The following LMNA variants were observed in gnomAD, a reference collection of about 807,000 sequenced individuals.
The protein encoded by LMNA is lamin.
Under a neutral mutation model 70.4 loss-of-function variants are expected in LMNA, and 20 were observed. The observed-to-expected ratio is 0.28, with a 90% confidence interval of 0.20 to 0.41. LMNA has a LOEUF of 0.41. Ranked by LOEUF, LMNA falls within the 10% of genes least tolerant of loss-of-function variation. The pLI, the probability that LMNA is intolerant of heterozygous loss-of-function variation, is 1.00. For synonymous variants in LMNA, 339 were observed against 372.8 expected (o/e 0.91, Z 1.04); for missense variants, 652 against 917.2 (o/e 0.71, Z 3.73).
At chr1:156,093,970 C>T (rs557636009) in intron 3 of LMNA, among the ~76,000 whole-genome samples, 35 of 152,264 alleles carry the variant, frequency 2.3e-4, no homozygotes, top group African/African-American at 6.0e-4. Context: ...CCTGGGCCCT[C>T]GCAGCCTGCC....
rs144851946 is a variant in LMNA, at chr1:156,138,701, G to A, written c.1912G>A (p.Gly638Arg). The change falls in exon 11 of 12, where the codon GGG becomes AGG. Residue 638 changes from glycine (G) to arginine (R), a missense_variant. Transcript: ENST00000368300. This position sits in a 1 kb window ranked among gnomAD's most constrained non-coding sequence, Gnocchi z 5.5. Reference protein sequence around the residue: ...SVGGSGGGSFGDNLVTRSYLL... With the variant: ...SVGGSGGGSFRDNLVTRSYLL... The stretch of plus-strand genomic sequence containing the variant: ...GGGGGGCAGTGGGGGTGGCAGCTTC[G>A]GGGACAATCTGGTCACCCGCTCCTA... 1.0e-4 allele frequency: 168 copies of A among 1,613,114 alleles called. No homozygotes were observed. The African/African-American group carries it at 2.0e-3, about 20-fold the overall frequency.
intron 1 of LMNA, among the ~76,000 whole-genome samples, chr1:156,129,295 G>C (rs560377409): frequency 1.3e-5 from 2 of 152,090 alleles, no homozygotes; most frequent in Non-Finnish European, 2.9e-5. Flanking sequence ...CCTGCCTGGT[G>C]GGGGGAGGTG....
At position 156,114,805 on chromosome 1, in the gene LMNA, C is replaced by G; in HGVS notation, c.-114C>G. ...ATCCCCACGCCTGCCAGGAGCAAGC[C>G]GAGAGCCAGCCGGCCGGCGCACTCC... On this transcript the variant is annotated 5_prime_UTR_variant, in exon 1 of 12. Coordinates refer to ENST00000368300, the MANE Select transcript of LMNA (RefSeq NM_170707.4). 4.1e-6 allele frequency: 3 copies of G among 733,510 alleles called. No homozygotes were observed. Among genetic ancestry groups the G allele is most frequent in the Non-Finnish European group, 6.4e-6 (3 of 466,610 alleles). 45.4% of individuals were successfully genotyped at this position (733,510 alleles called of 1,614,324 possible). A position where few individuals can be genotyped will look rare whatever the true frequency, so the allele number is the denominator to read the frequency against.
At chr1:156,088,570 A>G (rs1648571712) in intron 2 of LMNA, among the ~76,000 whole-genome samples, 1 of 152,224 alleles carries the variant, frequency 6.6e-6, no homozygotes, top group South Asian at 2.1e-4. Flanking sequence ...CTTGGGGCCA[A>G]GGTGGAAGGA....
intron 2 of LMNA, among the ~76,000 whole-genome samples, chr1:156,086,853 G>A (rs1410595901): frequency 6.6e-6 from 1 of 152,184 alleles, no homozygotes; most frequent in Non-Finnish European, 1.5e-5. Context: ...TGACCAGGCT[G>A]GTCTCAAACT....
rs929003262 is a variant in LMNA at position 156,103,242 on chromosome 1, C to A, written c.-206-11471C>A. ...TCCTCTTTGTGTCCTGCCTACCAGT[C>A]CTTCCCGCCCATCTCTGCATCCCAG... is the stretch of plus-strand genomic sequence containing the variant. On this transcript the variant is annotated intron_variant, in intron 3 of 12. Transcript: ENST00000368301. This position sits in a 1 kb window ranked among gnomAD's most constrained non-coding sequence, Gnocchi z 4.7. Among the ~76,000 whole-genome samples the A allele has an allele frequency of 7.2e-5, 11 of 152,168 alleles. No homozygotes were observed. The highest frequency in any genetic ancestry group is 2.4e-4 in the African/African-American group (10 of 41,428).
At position 156,139,793 on chromosome 1, in the gene LMNA, A is replaced by T. The variant is rs1284705067; in HGVS notation, c.*687A>T. The T allele has an allele frequency of 2.0e-6, 3 of 1,529,702 alleles. No individual in the cohort carries two copies. In the Admixed American group the frequency reaches 5.9e-5, roughly 30 times the overall value. 94.8% of individuals were successfully genotyped at this position (1,529,702 alleles called of 1,614,324 possible). A position where few individuals can be genotyped will look rare whatever the true frequency, so the allele number is the denominator to read the frequency against. On this transcript the variant is annotated 3_prime_UTR_variant, in exon 12 of 12. Coordinates refer to ENST00000368300, the MANE Select transcript of LMNA (RefSeq NM_170707.4). Reference sequence around the variant, plus strand: ...AGACAAGAGATGGGAATGAGGTGGGAGGTGGAAGAAGGGAGAAGAAAGGTG... The same window carrying T: ...AGACAAGAGATGGGAATGAGGTGGGTGGTGGAAGAAGGGAGAAGAAAGGTG...
intron 1 of LMNA, among the ~76,000 whole-genome samples, chr1:156,119,337 T>C (rs1386039143): frequency 1.3e-5 from 2 of 152,160 alleles, no homozygotes; most frequent in East Asian, 3.8e-4. Context: ...AGGATGGTCT[T>C]GATCTCTTGA....
Position 156,114,735 on chromosome 1 carries a change from A to T in LMNA, c.-184A>T. The T allele has an allele frequency of 3.5e-6, 2 of 573,440 alleles. No homozygotes were observed. The highest frequency in any genetic ancestry group is 6.1e-6 in the Non-Finnish European group (2 of 329,124). The allele number at this position is 573,440 out of a possible 1,614,324, so 35.5% of individuals were successfully genotyped here. A position where few individuals can be genotyped will look rare whatever the true frequency, so the allele number is the denominator to read the frequency against. Reference sequence around the variant, plus strand: ...CAGTGTTCGCGGGAGCGCCGCACCTACACCAGCCAACCCAGATCCCGAGGT... The same window carrying T: ...CAGTGTTCGCGGGAGCGCCGCACCTTCACCAGCCAACCCAGATCCCGAGGT... On this transcript the variant is annotated 5_prime_UTR_variant, in exon 1 of 12. Coordinates refer to ENST00000368300, the MANE Select transcript of LMNA (RefSeq NM_170707.4).
chr1:156,087,899 G>T (rs1482463636), intron 2 of LMNA, among the ~76,000 whole-genome samples: 1 of 147,544 alleles, frequency 6.8e-6, no homozygotes, highest in African/African-American at 2.5e-5. Flanking sequence ...TTGAGATGGT[G>T]TCTCGCTCGG....
chr1:156,090,880 G>T (rs1324582370), intron 3 of LMNA: 1 of 152,184 alleles, frequency 6.6e-6, no homozygotes, highest in Non-Finnish European at 1.5e-5. Context: ...TTAAACATTG[G>T]CCACCAGGTG....
At chr1:156,121,657 G>T (rs895573490) in intron 1 of LMNA, among the ~76,000 whole-genome samples, 2 of 151,964 alleles carry the variant, frequency 1.3e-5, no homozygotes, top group Non-Finnish European at 2.9e-5. Context: ...TGTGCTTTCT[G>T]CTCCCCTCCC....
intron 2 of LMNA, among the ~76,000 whole-genome samples, chr1:156,131,266 G>A (rs1238213468): frequency 4.0e-5 from 6 of 151,108 alleles, no homozygotes; most frequent in Non-Finnish European, 5.9e-5. Context: ...GTGAGACTCC[G>A]TCTCAAAAAA....
chr1:156,100,746 C>T lies in LMNA; in HGVS notation c.-207+10164C>T, dbSNP rs16837162. Among the ~76,000 whole-genome samples, 1,068 of 152,232 alleles carry T rather than the reference C, an allele frequency of 7.0e-3. 10 individuals are homozygous for T. The highest frequency in any genetic ancestry group is 0.024 in the African/African-American group (1,014 of 41,528). The stretch of plus-strand genomic sequence containing the variant: ...AGGGGGCTATGATGAGGATACTCTA[C>T]TCAAACATGTATTGAGAACCTTTTG... On this transcript the variant is annotated intron_variant, in intron 3 of 12. Coordinates refer to the LMNA transcript ENST00000368301.
chr1:156,087,510 G>A (rs1210940541), intron 2 of LMNA, among the ~76,000 whole-genome samples: 1 of 149,154 alleles, frequency 6.7e-6, no homozygotes, highest in Admixed American at 6.7e-5. Context: ...CAAAGTGCTG[G>A]AATTACAGTC....
At position 156,137,499 on chromosome 1, in the gene LMNA, G is replaced by T; in HGVS notation, c.1609-155G>T. On this transcript the variant is annotated intron_variant, in intron 9 of 11. Coordinates refer to ENST00000368300, the MANE Select transcript of LMNA (RefSeq NM_170707.4). The surrounding 1 kb of genome is among the most constrained non-coding windows in gnomAD (Gnocchi z 4.6). ...GACAGTGTCCCTCTGGGGTGGAAAT[G>T]AGTTCCTTAGCTCCATCACCACAGA... is the stretch of plus-strand genomic sequence containing the variant. 1 of 823,638 alleles carries T rather than the reference G, an allele frequency of 1.2e-6. No individual in the cohort carries two copies. The highest frequency in any genetic ancestry group is 2.0e-6 in the Non-Finnish European group (1 of 499,028). The allele number at this position is 823,638 out of a possible 1,614,324, so 51.0% of individuals were successfully genotyped here. A position where few individuals can be genotyped will look rare whatever the true frequency, so the allele number is the denominator to read the frequency against.
chr1:156,109,798 A>ATGTGTGTGTGTG (rs57284200), upstream of LMNA: 67 of 85,572 alleles, frequency 7.8e-4, no homozygotes, highest in African/African-American at 1.8e-3. Context: ...GCATGTATGT[A>ATGTGTGTGTGTG]TGTGTGTGTG....
At chr1:156,130,260 G>A (rs1176158877) in intron 1 of LMNA, among the ~76,000 whole-genome samples, 1 of 152,160 alleles carries the variant, frequency 6.6e-6, no homozygotes, top group South Asian at 2.1e-4. Flanking sequence ...GTAAGGCCCT[G>A]TGTGGGAAGG....
upstream of LMNA, among the ~76,000 whole-genome samples, chr1:156,110,375 C>T (rs757320580): frequency 7.2e-5 from 11 of 152,176 alleles, no homozygotes; most frequent in Non-Finnish European, 1.5e-4. Context: ...GTGTATAAGG[C>T]AGTTCTGTAA....
Sources: allele counts gnomAD v4.1 joint callset (sites outside exome capture counted in the v4.1 genomes callset), GRCh38; gene constraint gnomAD v4.1.1; non-coding constraint Gnocchi (gnomAD v3.1); transcripts MANE v1.5; gene names NCBI Gene and HGNC (gene_info 2026-07-23, HGNC 2026-07-21).